TMOD2: variants seen among roughly 807,000 people sequenced by gnomAD.
The protein encoded by TMOD2 is tropomodulin-2.
Under a neutral mutation model 39.9 loss-of-function variants are expected in TMOD2, and 22 were observed. The observed-to-expected ratio is 0.55, with a 90% confidence interval of 0.39 to 0.79. TMOD2 has a LOEUF of 0.79. Among genes scored for constraint, TMOD2 ranks in the 30% least tolerant of loss-of-function variants. The pLI is 0.00. For synonymous variants in TMOD2, 123 were observed against 146.1 expected, an observed-to-expected ratio of 0.84 and a Z score of 1.14; for missense variants, 386 against 413.3, an observed-to-expected ratio of 0.93 and a Z score of 0.57.
chr15:51,803,036 T>C (rs2056099859), intron 8 of TMOD2, among the ~76,000 whole-genome samples: 1 of 152,166 alleles, frequency 6.6e-6, no homozygotes, highest in East Asian at 1.9e-4. Flanking sequence ...GTAATCAAGA[T>C]TGTATGGTAC....
rs116574779 is a variant in TMOD2 at position 51,804,027 on chromosome 15, G to A, written c.877-2350G>A. ...CGTACAGTTAGCAAGAATAAAAGCT[G>A]TCATAACCTTTGACAATAAGTCAAT... On this transcript the variant is annotated intron_variant, in intron 8 of 9. Coordinates refer to ENST00000249700, the MANE Select transcript of TMOD2 (RefSeq NM_014548.4). Among the ~76,000 whole-genome samples, 1,449 of 152,332 alleles carry A rather than the reference G, an allele frequency of 9.5e-3. 26 individuals carry two copies. Among genetic ancestry groups the A allele is most frequent in the African/African-American group, 0.034 (1,399 of 41,582 alleles).
intron 4 of TMOD2, among the ~76,000 whole-genome samples, chr15:51,775,579 T>TTC (rs2055881999): frequency 7.6e-6 from 1 of 131,732 alleles, no homozygotes; most frequent in Non-Finnish European, 1.6e-5. Flanking sequence ...CCTTTTTTTT[T>TTC]TTTTTTTTTT....
At chr15:51,790,637 A>T (rs1464603256) in intron 7 of TMOD2, among the ~76,000 whole-genome samples, 2 of 152,220 alleles carry the variant, frequency 1.3e-5, no homozygotes, top group Non-Finnish European at 2.9e-5. Context: ...CCAGCAGCAC[A>T]TCAAAAAGCT....
intron 2 of TMOD2, among the ~76,000 whole-genome samples, chr15:51,767,946 A>C (rs2141617930): frequency 6.6e-6 from 1 of 152,336 alleles, no homozygotes; most frequent in East Asian, 1.9e-4. Flanking sequence ...GTGCAGCCCT[A>C]GCCAAACCTA....
chr15:51,764,880 C>G (rs2055806171), intron 1 of TMOD2, among the ~76,000 whole-genome samples: 1 of 152,204 alleles, frequency 6.6e-6, no homozygotes, highest in African/African-American at 2.4e-5. Flanking sequence ...CCCACTTACT[C>G]AGTGATTATT....
At chr15:51,762,181 G>A (rs1277198597) in intron 1 of TMOD2, among the ~76,000 whole-genome samples, 4 of 151,850 alleles carry the variant, frequency 2.6e-5, no homozygotes, top group Non-Finnish European at 2.9e-5. Context: ...TTTTGGCTGG[G>A]CACAGTGGCT....
At chr15:51,791,386 C>T (rs768425818) in intron 7 of TMOD2, among the ~76,000 whole-genome samples, 19 of 152,186 alleles carry the variant, frequency 1.2e-4, no homozygotes, top group Admixed American at 2.0e-4. Context: ...ACATTCCATG[C>T]TCATGGATAG....
chr15:51,771,573 G>A (rs1313680354), intron 3 of TMOD2, among the ~76,000 whole-genome samples: 3 of 152,210 alleles, frequency 2.0e-5, no homozygotes, highest in African/African-American at 7.2e-5. Context: ...GCCAAGGCAG[G>A]AGGATTACTT....
intron 7 of TMOD2, among the ~76,000 whole-genome samples, chr15:51,788,720 A>C (rs1278450877): frequency 6.6e-6 from 1 of 152,258 alleles, no homozygotes; most frequent in East Asian, 1.9e-4. Context: ...CTTAAAGAAA[A>C]GAATTTTCAA....
At chr15:51,756,706 G>T (rs141301133) in intron 1 of TMOD2, among the ~76,000 whole-genome samples, 8 of 152,282 alleles carry the variant, frequency 5.3e-5, no homozygotes, top group African/African-American at 1.9e-4. Context: ...TACGAGCTCT[G>T]CATTCTAGTA....
At chr15:51,754,300 G>A (rs1317637968) in intron 1 of TMOD2, among the ~76,000 whole-genome samples, 1 of 152,176 alleles carries the variant, frequency 6.6e-6, no homozygotes, top group African/African-American at 2.4e-5. Context: ...TTGGGTTAGG[G>A]TAGTGTTGGG....
intron 5 of TMOD2, among the ~76,000 whole-genome samples, chr15:51,780,159 G>A (rs2055919737): frequency 6.6e-6 from 1 of 152,104 alleles, no homozygotes; most frequent in Non-Finnish European, 1.5e-5. Context: ...TGCTATTTTT[G>A]TAGGTAAGAC....
At chr15:51,778,643 CTT>C (rs34790068) in intron 5 of TMOD2, among the ~76,000 whole-genome samples, 2,847 of 68,352 alleles carry the variant, frequency 0.042, 79 homozygotes, top group Non-Finnish European at 0.056. Context: ...AAAATTACAG[CTT>C]TTTTTTTTTT....
intron 7 of TMOD2, chr15:51,784,080 A>G (rs1246100281): frequency 6.6e-6 from 1 of 152,236 alleles, no homozygotes; most frequent in Non-Finnish European, 1.5e-5. Context: ...ACAAATGAGA[A>G]AACAGCTTCA....
intron 9 of TMOD2, among the ~76,000 whole-genome samples, chr15:51,806,916 A>G (rs887503244): frequency 1.3e-5 from 2 of 152,218 alleles, no homozygotes; most frequent in Non-Finnish European, 2.9e-5. Context: ...AAATATGGAT[A>G]TGTCTGATAC....
At chr15:51,800,913 C>G (rs923360729) in intron 8 of TMOD2, among the ~76,000 whole-genome samples, 12 of 152,302 alleles carry the variant, frequency 7.9e-5, no homozygotes, top group African/African-American at 2.6e-4. Flanking sequence ...CTATATTTCC[C>G]AGGTTGTTCT....
At chr15:51,766,696 C>A in intron 2 of TMOD2, 129 bp downstream of exon 2, 1 of 973,714 alleles carries the variant, frequency 1.0e-6, no homozygotes, top group Non-Finnish European at 1.5e-6. Context: ...CTGATTGGTT[C>A]TGGGTCACCT....
rs529531305 is a variant in TMOD2 at position 51,793,851 on chromosome 15, C to A, written c.733-4346C>A. Among the ~76,000 whole-genome samples, 3 of 152,322 alleles carry A rather than the reference C, an allele frequency of 2.0e-5. No individual in the cohort carries two copies. The South Asian group carries it at 6.2e-4, about 32-fold the overall frequency. On this transcript the variant is annotated intron_variant, in intron 7 of 9. Transcript: ENST00000249700. ...CTAATAATGATAGTAAATCCCAAAG[C>A]TTGTAGAGTCCAAAAGGAAAGTCCT...
Position 51,810,790 on chromosome 15 carries a change from C to T in TMOD2, c.*2336C>T, listed in dbSNP as rs1347415731. 7.0e-6 allele frequency: 1 copy of T among 143,320 alleles called. No individual in the cohort carries two copies. The allele number at this position is 143,320 out of a possible 1,614,324, so 8.9% of individuals were successfully genotyped here. A position where few individuals can be genotyped will look rare whatever the true frequency, so the allele number is the denominator to read the frequency against. On this transcript the variant is annotated 3_prime_UTR_variant, in exon 10 of 10. Coordinates refer to ENST00000249700, the MANE Select transcript of TMOD2 (RefSeq NM_014548.4). ...TTTCTTACTCTCATTCTTGCCTTGACTCTTAAAATCCTGGACCCTATAGAG... is the reference window on the plus strand; with the variant it reads ...TTTCTTACTCTCATTCTTGCCTTGATTCTTAAAATCCTGGACCCTATAGAG...
Sources: allele counts gnomAD v4.1 joint callset (sites outside exome capture counted in the v4.1 genomes callset), GRCh38; gene constraint gnomAD v4.1.1; transcripts MANE v1.5; gene names NCBI Gene and HGNC (gene_info 2026-07-23, HGNC 2026-07-21).